FGD2: variants seen among roughly 807,000 people sequenced by gnomAD.
FGD2 encodes the protein FYVE, RhoGEF and PH domain-containing protein 2.
In FGD2, 52 loss-of-function variants were observed where a neutral mutation model predicts 75.9. The observed-to-expected ratio is 0.69, with a 90% confidence interval of 0.55 to 0.86. The LOEUF (loss-of-function observed/expected upper bound fraction) is 0.86. FGD2 is among the 40% of genes least tolerant of loss of function. FGD2 has a pLI of 0.00. For missense variants in FGD2, 790 were observed against 872.0 expected (o/e 0.91, Z 1.18); for synonymous variants, 347 against 348.6 (o/e 1.00, Z 0.05).
intron 1 of FGD2, 132 bp downstream of exon 1, chr6:37,006,017 GGATTCC>G: frequency 1.0e-6 from 1 of 987,334 alleles, no homozygotes; most frequent in South Asian, 1.5e-5. Flanking sequence ...CCTCGGTCAC[GGATTCC>G]TTGGAGCATG....
intron 1 of FGD2, among the ~76,000 whole-genome samples, chr6:37,007,591 C>A (rs1764813481): frequency 6.6e-6 from 1 of 152,220 alleles, no homozygotes; most frequent in South Asian, 2.1e-4. Context: ...AGGGTGAGAG[C>A]CACTCCTTAC....
At chr6:37,027,808 G>A (rs866804461) in intron 15 of FGD2, 140 bp from the exon 16 acceptor site, 8 of 1,074,114 alleles carry the variant, frequency 7.4e-6, no homozygotes, top group Middle Eastern at 2.8e-4. Context: ...CCTCTTCCTC[G>A]ATGGCCTTCA....
chr6:37,011,474 T>G (rs975540918), intron 3 of FGD2: 43 of 595,972 alleles, frequency 7.2e-5, no homozygotes, highest in Non-Finnish European at 1.1e-4. Flanking sequence ...ATGGCATTCA[T>G]CAGCTGCCAG....
At position 37,013,690 on chromosome 6, in the gene FGD2, T is replaced by G; in HGVS notation, c.609T>G (p.Phe203Leu). ...LKMYSEYVKN[F>L]ERAAELLATW... Reference sequence around the variant, plus strand: ...TGTACAGTGAGTATGTCAAGAACTTTGAGCGAGCGGCTGAGCTGCTGGCCA... The same window carrying G: ...TGTACAGTGAGTATGTCAAGAACTTGGAGCGAGCGGCTGAGCTGCTGGCCA... The change falls in exon 5 of 16, where the codon TTT (phenylalanine) becomes TTG (leucine). Residue 203 changes from phenylalanine to leucine, a missense_variant. Physicochemically the swap from Phe to Leu is conservative, Grantham distance 22. Transcript: ENST00000274963. 1 of 1,614,086 alleles carries G rather than the reference T, an allele frequency of 6.2e-7. No individual in the cohort carries two copies. The highest frequency in any genetic ancestry group is 1.3e-5 in the African/African-American group (1 of 75,018).
At chr6:37,020,684 A>T (rs1159375191) in intron 10 of FGD2, 25 bp from the exon 11 acceptor site, 1 of 1,576,616 alleles carries the variant, frequency 6.3e-7, no homozygotes, top group Non-Finnish European at 8.6e-7. Flanking sequence ...GATCTCCTCA[A>T]CACCTGTGTT....
chr6:37,019,855 C>CTTTT (rs11385767), intron 9 of FGD2, among the ~76,000 whole-genome samples: 3 of 136,228 alleles, frequency 2.2e-5, no homozygotes, highest in Non-Finnish European at 4.6e-5. Flanking sequence ...CTTTTCTTTT[C>CTTTT]TTTTTTTTTT....
At position 37,014,090 on chromosome 6, in the gene FGD2, C is replaced by T. The variant is rs147996374; in HGVS notation, c.813C>T (p.Ala271=). Residue 271 remains alanine, a synonymous_variant, in exon 6 of 16, where the codon GCC becomes GCT. Coordinates refer to ENST00000274963, the MANE Select transcript of FGD2 (RefSeq NM_173558.4). ...TGCCAGCCCAGGCCCCAGACCAGGC[C>T]GATGCCCAGAGTGAGGACACCCCCA... ...QKLPAQAPDQ[A]DAQKALDMIF... 782 of 1,613,844 alleles carry T rather than the reference C, an allele frequency of 4.8e-4. 3 individuals carry two copies. In the African/African-American group the frequency reaches 7.3e-3, roughly 15 times the overall value.
intron 4 of FGD2, among the ~76,000 whole-genome samples, chr6:37,012,454 G>A (rs546854297): frequency 6.6e-6 from 1 of 152,142 alleles, no homozygotes; most frequent in Non-Finnish European, 1.5e-5. Context: ...GCTCATGCCT[G>A]TAATCCCAGC....
At chr6:37,014,738 C>T (rs766247029) in intron 7 of FGD2, 34 bp downstream of exon 7, 40 of 1,613,412 alleles carry the variant, frequency 2.5e-5, no homozygotes, top group Non-Finnish European at 3.3e-5. Context: ...AGCCCTGTCC[C>T]CCTCCCTGCA....
intron 9 of FGD2, among the ~76,000 whole-genome samples, chr6:37,017,933 A>C (rs750050802): frequency 1.4e-4 from 21 of 152,174 alleles, no homozygotes; most frequent in Non-Finnish European, 2.5e-4. Context: ...ACCTGAGCTG[A>C]CTGAAGTCTT....
intron 1 of FGD2, among the ~76,000 whole-genome samples, chr6:37,006,434 A>G (rs960186674): frequency 6.6e-6 from 1 of 152,072 alleles, no homozygotes; most frequent in Non-Finnish European, 1.5e-5. Flanking sequence ...CGAACAGCCT[A>G]ATAGGGGTAG....
chr6:37,006,043 C>T (rs984329914), intron 1 of FGD2, among the ~76,000 whole-genome samples, 158 bp downstream of exon 1: 3 of 152,204 alleles, frequency 2.0e-5, no homozygotes, highest in African/African-American at 4.8e-5. Flanking sequence ...GGGAGAGTGT[C>T]GGTGGGACAC....
chr6:37,021,362 C>T (rs982762329), intron 11 of FGD2, 150 bp from the exon 12 acceptor site: 11 of 652,274 alleles, frequency 1.7e-5, no homozygotes, highest in Admixed American at 5.9e-5. Flanking sequence ...GTTTCTCCTC[C>T]GATAAGGCAG....
rs200780543 is a variant in FGD2, at chr6:37,014,909, G to A, written c.900G>A (p.Leu300=). 21 of 1,614,038 alleles carry A rather than the reference G, an allele frequency of 1.3e-5. No homozygotes were observed. In the African/African-American group the frequency reaches 2.5e-4, roughly 19 times the overall value. The change falls in exon 8 of 16, where the codon CTG becomes CTA. Residue 300 remains leucine, a synonymous_variant. Coordinates refer to ENST00000274963, the MANE Select transcript of FGD2 (RefSeq NM_173558.4). ...AITEMERLQD[L]WEVYQRLGLE... ...CCCCCTAGGAGCGGCTGCAGGACCT[G>A]TGGGAGGTGTACCAGCGCCTGGGCC...
At chr6:37,008,701 C>A in intron 1 of FGD2, 133 bp from the exon 2 acceptor site, 1 of 668,454 alleles carries the variant, frequency 1.5e-6, no homozygotes, top group Admixed American at 3.2e-5. Flanking sequence ...AGCATGTTCC[C>A]AAAGAAAGCC....
chr6:37,020,825 T>G, intron 11 of FGD2, 86 bp downstream of exon 11: 2 of 1,524,800 alleles, frequency 1.3e-6, no homozygotes, highest in Non-Finnish European at 1.8e-6. Flanking sequence ...ACTACCTTGA[T>G]GAAGCTCCTG....
intron 8 of FGD2, 48 bp from the exon 9 acceptor site, chr6:37,015,720 A>G (rs2150774953): frequency 6.5e-7 from 1 of 1,532,714 alleles, no homozygotes; most frequent in Middle Eastern, 2.1e-4. Flanking sequence ...CCACCTAGCC[A>G]TCCTCCCTGC....
In FGD2 at chr6:37,027,648, G is replaced by A. The variant is rs1289796133; in HGVS notation, c.1752+73G>A. 4 of 1,563,884 alleles carry A rather than the reference G, an allele frequency of 2.6e-6. No homozygotes were observed. The African/African-American group carries it at 4.1e-5, about 16-fold the overall frequency. On this transcript the variant is annotated intron_variant, in intron 15 of 15. Coordinates refer to ENST00000274963, the MANE Select transcript of FGD2 (RefSeq NM_173558.4). The stretch of plus-strand genomic sequence containing the variant: ...AGCGTGTGTGTGAAGGGGGTCAGGG[G>A]TGAGTATTGCTAGCTCCATATGTCA...
In FGD2 at chr6:37,014,504, A is replaced by G. The variant is rs553850377; in HGVS notation, c.824-142A>G. 4.0e-5 allele frequency: 37 copies of G among 917,680 alleles called. No individual in the cohort carries two copies. In the South Asian group the frequency reaches 5.7e-4, roughly 14 times the overall value. The allele number at this position is 917,680 out of a possible 1,614,324, so 56.8% of individuals were successfully genotyped here. ...GGGGCTCCCGCCATTCAGACACCCC[A>G]TGGCTGGGCTGCACAGGCAGGGCTG... is the stretch of plus-strand genomic sequence containing the variant. On this transcript the variant is annotated intron_variant, in intron 6 of 15. Transcript: ENST00000274963.
Sources: allele counts gnomAD v4.1 joint callset (sites outside exome capture counted in the v4.1 genomes callset), GRCh38; gene constraint gnomAD v4.1.1; transcripts MANE v1.5; gene names NCBI Gene and HGNC (gene_info 2026-07-23, HGNC 2026-07-21).